The following GALNT13 variants were observed in gnomAD, a reference collection of about 807,000 sequenced individuals.
GALNT13 encodes the protein polypeptide N-acetylgalactosaminyltransferase 13.
In GALNT13, 28 loss-of-function variants were observed where a neutral mutation model predicts 64.2. The observed-to-expected ratio is 0.44, with a 90% confidence interval of 0.32 to 0.60. The LOEUF (loss-of-function observed/expected upper bound fraction) is 0.60. Ranked by LOEUF, GALNT13 falls within the 20% of genes least tolerant of loss-of-function variation. The pLI, the probability that GALNT13 is intolerant of heterozygous loss-of-function variation, is 0.05. For missense variants in GALNT13, 577 were observed against 669.8 expected, an observed-to-expected ratio of 0.86 and a Z score of 1.53; for synonymous variants, 214 against 224.6, an observed-to-expected ratio of 0.95 and a Z score of 0.42.
the GALNT13 span, among the ~76,000 whole-genome samples, chr2:153,586,160 A>G: frequency 6.6e-6 from 1 of 152,196 alleles, no homozygotes; most frequent in African/African-American, 2.4e-5. Flanking sequence ...AACAACTAGA[A>G]AAAAGTTAAC....
chr2:153,314,424 A>T, the GALNT13 span, among the ~76,000 whole-genome samples: 1 of 152,184 alleles, frequency 6.6e-6, no homozygotes, highest in African/African-American at 2.4e-5. Context: ...AATGCTATAA[A>T]GAAACTAGAC....
chr2:154,217,948 G>A (rs1490006039), intron 4 of GALNT13, among the ~76,000 whole-genome samples: 1 of 152,076 alleles, frequency 6.6e-6, no homozygotes, highest in Non-Finnish European at 1.5e-5. Flanking sequence ...AAGGGTCTAG[G>A]AGGCTTAAAT....
chr2:153,126,694 A>G, the GALNT13 span, among the ~76,000 whole-genome samples: 1 of 152,150 alleles, frequency 6.6e-6, no homozygotes, highest in Admixed American at 6.6e-5. Context: ...CCCTCTAGAG[A>G]CTTGTTTTCT....
chr2:154,255,670 T>G (rs976600498), intron 7 of GALNT13, among the ~76,000 whole-genome samples: 1 of 151,836 alleles, frequency 6.6e-6, no homozygotes. Flanking sequence ...GAGCTAGAGA[T>G]TGAAGGAGTT....
chr2:153,278,540 A>G, the GALNT13 span, among the ~76,000 whole-genome samples: 7 of 152,084 alleles, frequency 4.6e-5, no homozygotes, highest in Non-Finnish European at 1.0e-4. Context: ...TATATAGTGA[A>G]AGGCAGTCAT....
chr2:153,751,164 T>C, the GALNT13 span, among the ~76,000 whole-genome samples: 1 of 151,992 alleles, frequency 6.6e-6, no homozygotes, highest in East Asian at 1.9e-4. Context: ...CCATGGTGGT[T>C]AGAGAAAATG....
chr2:153,178,300 G>GTGGTACTAAGTT, the GALNT13 span, among the ~76,000 whole-genome samples: 1 of 152,032 alleles, frequency 6.6e-6, no homozygotes, highest in Non-Finnish European at 1.5e-5. Context: ...TTTCATAATG[G>GTGGTACTAAGTT]TGGTACTAAG....
chr2:153,773,534 C>T, the GALNT13 span, among the ~76,000 whole-genome samples: 2 of 152,140 alleles, frequency 1.3e-5, no homozygotes, highest in South Asian at 4.1e-4. Flanking sequence ...TATAGATGTC[C>T]TTTATTGAAG....
At chr2:153,402,453 TC>T in the GALNT13 span, among the ~76,000 whole-genome samples, 2 of 152,006 alleles carry the variant, frequency 1.3e-5, no homozygotes, top group Non-Finnish European at 2.9e-5. Context: ...TCTCTGTATT[TC>T]CTGAATCTGA....
chr2:153,137,944 A>G, the GALNT13 span, among the ~76,000 whole-genome samples: 4 of 151,776 alleles, frequency 2.6e-5, no homozygotes, highest in African/African-American at 9.7e-5. Context: ...CTTGATTCCA[A>G]TGCGTACTTC....
intron 9 of GALNT13, among the ~76,000 whole-genome samples, chr2:154,316,010 C>T (rs965230963): frequency 6.6e-6 from 1 of 152,116 alleles, no homozygotes; most frequent in Non-Finnish European, 1.5e-5. Context: ...ATCGCTTGAA[C>T]CCTGGAGGCA....
the GALNT13 span, among the ~76,000 whole-genome samples, chr2:153,437,344 A>T: frequency 6.6e-6 from 1 of 152,200 alleles, no homozygotes; most frequent in Non-Finnish European, 1.5e-5. Context: ...TATTGGGTCC[A>T]CTTGGTGCAG....
intron 3 of GALNT13, among the ~76,000 whole-genome samples, chr2:154,075,110 A>C (rs1020609084): frequency 2.0e-5 from 3 of 151,834 alleles, no homozygotes; most frequent in Non-Finnish European, 2.9e-5. Flanking sequence ...AAGACAAGCT[A>C]TCTCTCTTCA....
the GALNT13 span, among the ~76,000 whole-genome samples, chr2:153,166,387 G>A: frequency 6.6e-6 from 1 of 152,180 alleles, no homozygotes; most frequent in Non-Finnish European, 1.5e-5. Context: ...TGGGCTGCCT[G>A]TATGGGTATA....
intron 3 of GALNT13, among the ~76,000 whole-genome samples, chr2:153,965,323 A>G (rs1036220155): frequency 2.0e-5 from 3 of 152,120 alleles, no homozygotes; most frequent in African/African-American, 7.2e-5. Flanking sequence ...TGTACTCATT[A>G]ACTAATTTTT....
chr2:153,281,218 CTG>C, the GALNT13 span, among the ~76,000 whole-genome samples: 1 of 151,800 alleles, frequency 6.6e-6, no homozygotes, highest in African/African-American at 2.4e-5. Flanking sequence ...TTTTTATTTT[CTG>C]TTTGCATGAT....
At chr2:153,277,852 A>G in the GALNT13 span, among the ~76,000 whole-genome samples, 3 of 141,554 alleles carry the variant, frequency 2.1e-5, no homozygotes, top group Admixed American at 6.9e-5. Context: ...TTCTTTGCCC[A>G]TTTTTAAATG....
At chr2:153,460,741 GCTGA>G in the GALNT13 span, among the ~76,000 whole-genome samples, 4 of 152,120 alleles carry the variant, frequency 2.6e-5, no homozygotes, top group African/African-American at 9.7e-5. Context: ...CAGCCCTGGT[GCTGA>G]CTAAATAGAA....
chr2:153,459,196 A>G, the GALNT13 span, among the ~76,000 whole-genome samples: 1 of 152,228 alleles, frequency 6.6e-6, no homozygotes, highest in African/African-American at 2.4e-5. Flanking sequence ...GTTGAAAAGA[A>G]AAACAGGGAA....
Sources: allele counts gnomAD v4.1 joint callset (sites outside exome capture counted in the v4.1 genomes callset), GRCh38; gene constraint gnomAD v4.1.1; transcripts MANE v1.5; gene names NCBI Gene and HGNC (gene_info 2026-07-23, HGNC 2026-07-21).